Variants in IMPACT observed in about 807,000 individuals in gnomAD.
IMPACT encodes protein IMPACT.
IMPACT carries 35 observed loss-of-function variants against 47.5 expected under a neutral mutation model. The observed-to-expected ratio is 0.74, with a 90% confidence interval of 0.56 to 0.98. The LOEUF (loss-of-function observed/expected upper bound fraction) is 0.98, where lower values mean the gene tolerates loss of function less well. Among genes scored for constraint, IMPACT ranks in the 50% least tolerant of loss-of-function variants. The probability of loss-of-function intolerance (pLI) is 0.00; values close to 1 mark genes in which losing one functional copy is unlikely to be tolerated. For synonymous variants in IMPACT, 118 were observed against 125.6 expected, an observed-to-expected ratio of 0.94 and a Z score of 0.40; for missense variants, 373 against 394.8, an observed-to-expected ratio of 0.94 and a Z score of 0.47.
intron 5 of IMPACT, 108 bp from the exon 6 acceptor site, chr18:24,440,388 T>TC: frequency 8.8e-7 from 1 of 1,141,064 alleles, no homozygotes; most frequent in Non-Finnish European, 1.2e-6. Context: ...GAGTGCTGGT[T>TC]CCTTTCGTTG....
intron 5 of IMPACT, chr18:24,439,704 T>A (rs1229268470): frequency 6.6e-6 from 1 of 150,654 alleles, no homozygotes. Context: ...TGCAGCTACT[T>A]GGGAGGCTGA....
rs60049442 is a variant in IMPACT, at chr18:24,428,740, T to C, written c.166-129T>C. On this transcript the variant is annotated intron_variant, in intron 2 of 10. Coordinates refer to ENST00000284202, the MANE Select transcript of IMPACT (RefSeq NM_018439.4). Reference sequence around the variant, plus strand: ...ACTTGGGGTCAGGGTATAATGTCCATATTTCAGTTTTCCTTTTCCTTTCAT... The same window carrying C: ...ACTTGGGGTCAGGGTATAATGTCCACATTTCAGTTTTCCTTTTCCTTTCAT... 288 of 616,256 alleles carry C rather than the reference T, an allele frequency of 4.7e-4. No individual in the cohort carries two copies. In the African/African-American group the frequency reaches 5.2e-3, roughly 11 times the overall value. The allele number at this position is 616,256 out of a possible 1,614,324, so 38.2% of individuals were successfully genotyped here.
At chr18:24,436,987 G>A (rs550892425) in intron 4 of IMPACT, among the ~76,000 whole-genome samples, 1 of 152,302 alleles carries the variant, frequency 6.6e-6, no homozygotes, top group Admixed American at 6.5e-5. Context: ...ACCAATACAA[G>A]TATTTAGTTT....
At chr18:24,449,447 G>GT (rs935624982) in intron 9 of IMPACT, among the ~76,000 whole-genome samples, 6 of 152,004 alleles carry the variant, frequency 3.9e-5, no homozygotes, top group South Asian at 2.1e-4. Context: ...CAGAAGCAGG[G>GT]TTTTTTTTGT....
chr18:24,428,741 A>T (rs1222692365), intron 2 of IMPACT, 128 bp from the exon 3 acceptor site: 2 of 620,162 alleles, frequency 3.2e-6, no homozygotes, highest in Non-Finnish European at 5.6e-6. Context: ...TAATGTCCAT[A>T]TTTCAGTTTT....
At chr18:24,431,842 C>T (rs937594417) in intron 4 of IMPACT, among the ~76,000 whole-genome samples, 1 of 152,040 alleles carries the variant, frequency 6.6e-6, no homozygotes, top group African/African-American at 2.4e-5. Context: ...GATGGGACTA[C>T]AGGCGCCCGC....
At chr18:24,450,095 T>G in intron 10 of IMPACT, 142 bp downstream of exon 10, 1 of 822,832 alleles carries the variant, frequency 1.2e-6, no homozygotes, top group Admixed American at 2.2e-5. Flanking sequence ...AGACCTAGAC[T>G]CTAAACAGTG....
At chr18:24,444,235 T>C (rs1174649044) in intron 7 of IMPACT, among the ~76,000 whole-genome samples, 1 of 152,240 alleles carries the variant, frequency 6.6e-6, no homozygotes, top group Middle Eastern at 3.2e-3. Context: ...GGATCCTCTT[T>C]CTGTTTCTGA....
At chr18:24,450,254 C>G (rs1373975309) in intron 10 of IMPACT, among the ~76,000 whole-genome samples, 1 of 152,134 alleles carries the variant, frequency 6.6e-6, no homozygotes, top group African/African-American at 2.4e-5. Flanking sequence ...CAACTAGGTT[C>G]CATCCCTAAA....
intron 4 of IMPACT, 31 bp from the exon 5 acceptor site, chr18:24,437,921 TAAC>T (rs780697300): frequency 4.8e-6 from 5 of 1,035,134 alleles, no homozygotes; most frequent in Admixed American, 2.0e-5. Context: ...ATTTTTGAAA[TAAC>T]AATTTTTTTT....
intron 2 of IMPACT, 57 bp from the exon 3 acceptor site, chr18:24,428,812 T>C (rs1295213297): frequency 1.5e-6 from 2 of 1,340,168 alleles, no homozygotes; most frequent in East Asian, 4.8e-5. Context: ...TTTATAAATA[T>C]GGTTACTTTT....
Position 24,453,078 on chromosome 18 carries a change from A to AAT in IMPACT, c.*2231_*2232insAT, listed in dbSNP as rs2144354380. The AAT allele has an allele frequency of 6.6e-6, 1 of 152,298 alleles. No homozygotes were observed. Among genetic ancestry groups the AAT allele is most frequent in the Non-Finnish European group, 1.5e-5 (1 of 68,036 alleles). 9.4% of individuals were successfully genotyped at this position (152,298 alleles called of 1,614,324 possible). On this transcript the variant is annotated 3_prime_UTR_variant, in exon 11 of 11. Coordinates refer to ENST00000284202, the MANE Select transcript of IMPACT (RefSeq NM_018439.4). Reference sequence around the variant, plus strand: ...CACCATGCCTGGCCTGCTTTGACATATTTTATAGTGTGTTAATTACAAATA... The same window carrying AAT: ...CACCATGCCTGGCCTGCTTTGACATAATTTTTATAGTGTGTTAATTACAAATA...
At position 24,452,866 on chromosome 18, in the gene IMPACT, T is replaced by C. The variant is rs1291814932; in HGVS notation, c.*2019T>C. The C allele has an allele frequency of 6.6e-6, 1 of 152,232 alleles. No homozygotes were observed. Among genetic ancestry groups the C allele is most frequent in the Non-Finnish European group, 1.5e-5 (1 of 68,054 alleles). The allele number at this position is 152,232 out of a possible 1,614,324, so 9.4% of individuals were successfully genotyped here. On this transcript the variant is annotated 3_prime_UTR_variant, in exon 11 of 11. Transcript: ENST00000284202. Reference sequence around the variant, plus strand: ...TGGAGTGCAGTGGCATGATCATGGCTCACTGCAGCCTTGACCTTCCAGCCT... The same window carrying C: ...TGGAGTGCAGTGGCATGATCATGGCCCACTGCAGCCTTGACCTTCCAGCCT...
In IMPACT at chr18:24,452,242, C is replaced by T. The variant is rs1211974784; in HGVS notation, c.*1395C>T. ...AGTAAGGTTATAGTAAATAGCTTTA[C>T]ACCAGGATGGATTCTGAAATATAAA... On this transcript the variant is annotated 3_prime_UTR_variant, in exon 11 of 11. Coordinates refer to ENST00000284202, the MANE Select transcript of IMPACT (RefSeq NM_018439.4). 1 of 152,122 alleles carries T rather than the reference C, an allele frequency of 6.6e-6. No homozygotes were observed. Among genetic ancestry groups the T allele is most frequent in the Non-Finnish European group, 1.5e-5 (1 of 68,028 alleles). The allele number at this position is 152,122 out of a possible 1,614,324, so 9.4% of individuals were successfully genotyped here. A position where few individuals can be genotyped will look rare whatever the true frequency, so the allele number is the denominator to read the frequency against.
At chr18:24,446,232 T>G (rs1909246755) in intron 8 of IMPACT, among the ~76,000 whole-genome samples, 1 of 152,034 alleles carries the variant, frequency 6.6e-6, no homozygotes, top group South Asian at 2.1e-4. Context: ...CCCGGCATAA[T>G]TTTTGTATTT....
At chr18:24,450,640 C>A in intron 10 of IMPACT, 139 bp from the exon 11 acceptor site, 1 of 512,002 alleles carries the variant, frequency 2.0e-6, no homozygotes, top group Non-Finnish European at 3.5e-6. Context: ...TATACCCTCA[C>A]TGTAACATAT....
chr18:24,442,104 C>G lies in IMPACT; in HGVS notation c.491-945C>G, dbSNP rs148439678. On this transcript the variant is annotated intron_variant, in intron 6 of 10. Coordinates refer to ENST00000284202, the MANE Select transcript of IMPACT (RefSeq NM_018439.4). ...CCTAAGTGAGGCAGGTAGTAGTAGC[C>G]AGGACGATTAAGTCTCTCAACAGAA... is the stretch of plus-strand genomic sequence containing the variant. Among the ~76,000 whole-genome samples, 675 of 151,214 alleles carry G rather than the reference C, an allele frequency of 4.5e-3. 4 individuals are homozygous for G. The highest frequency in any genetic ancestry group is 0.015 in the African/African-American group (620 of 41,218).
At chr18:24,437,052 A>T (rs1343931063) in intron 4 of IMPACT, among the ~76,000 whole-genome samples, 1 of 151,606 alleles carries the variant, frequency 6.6e-6, no homozygotes, top group African/African-American at 2.4e-5. Context: ...AGAATTATTT[A>T]AAAACAATGT....
In IMPACT at chr18:24,443,217, A is replaced by G. The variant is rs1000259593; in HGVS notation, c.594+65A>G. ...AATAATTCAGGTAAATGATTTTGCAATAATCCCCTTGTTTTTACTTTTATG... is the reference window on the plus strand; with the variant it reads ...AATAATTCAGGTAAATGATTTTGCAGTAATCCCCTTGTTTTTACTTTTATG... On this transcript the variant is annotated intron_variant, in intron 7 of 10. Transcript: ENST00000284202. 42 of 729,436 alleles carry G rather than the reference A, an allele frequency of 5.8e-5. No individual in the cohort carries two copies. The Middle Eastern group carries it at 7.3e-4, about 13-fold the overall frequency. 45.2% of individuals were successfully genotyped at this position (729,436 alleles called of 1,614,324 possible). A position where few individuals can be genotyped will look rare whatever the true frequency, so the allele number is the denominator to read the frequency against.
Sources: gnomAD v4.1 joint callset for allele counts (sites outside exome capture counted in the v4.1 genomes callset) on GRCh38, gnomAD v4.1.1 for gene constraint, MANE v1.5 for transcripts, NCBI Gene and HGNC (gene_info 2026-07-23, HGNC 2026-07-21) for gene names.